LINGO2: variants seen among roughly 807,000 people sequenced by gnomAD.
LINGO2 encodes the protein leucine-rich repeat and immunoglobulin-like domain-containing nogo receptor-interacting protein 2.
Under a neutral mutation model 30.6 loss-of-function variants are expected in LINGO2, and 14 were observed. The ratio of observed to expected loss-of-function variants is 0.46; its 90% CI spans 0.30 to 0.72. The LOEUF (loss-of-function observed/expected upper bound fraction) is 0.72, where lower values mean the gene tolerates loss of function less well. LINGO2 is among the 30% of genes least tolerant of loss of function. The probability of loss-of-function intolerance (pLI) is 0.07; values close to 1 mark genes in which losing one functional copy is unlikely to be tolerated. For missense variants in LINGO2, 729 were observed against 751.7 expected (o/e 0.97, Z 0.35); for synonymous variants, 317 against 288.5 (o/e 1.10, Z -1.00).
At chr9:29,163,887 C>G in the LINGO2 span, among the ~76,000 whole-genome samples, 1 of 152,108 alleles carries the variant, frequency 6.6e-6, no homozygotes, top group Non-Finnish European at 1.5e-5. Context: ...CTGTTAACTG[C>G]TAATCAAAGG....
At chr9:28,558,698 C>T (rs963399746) in intron 1 of LINGO2, among the ~76,000 whole-genome samples, 2 of 151,906 alleles carry the variant, frequency 1.3e-5, no homozygotes, top group Non-Finnish European at 1.5e-5. Flanking sequence ...CACTGGGGGG[C>T]TTTTTAACTT....
intron 1 of LINGO2, among the ~76,000 whole-genome samples, chr9:28,506,461 C>T (rs1820128655): frequency 4.8e-5 from 4 of 83,832 alleles, no homozygotes; most frequent in Non-Finnish European, 7.7e-5. Context: ...CACACATACA[C>T]ATACACACAC....
the LINGO2 span, among the ~76,000 whole-genome samples, chr9:28,941,929 C>T: frequency 3.9e-4 from 59 of 152,056 alleles, no homozygotes; most frequent in Admixed American, 2.5e-3. Context: ...AAGTTTAACA[C>T]CTGAAAGAAA....
chr9:28,636,409 A>G (rs896983318), intron 1 of LINGO2, among the ~76,000 whole-genome samples: 1 of 152,174 alleles, frequency 6.6e-6, no homozygotes, highest in African/African-American at 2.4e-5. Context: ...ACTGACTTCC[A>G]CAATGGTTGA....
intron 3 of LINGO2, among the ~76,000 whole-genome samples, chr9:28,369,402 T>C (rs1820812376): frequency 6.6e-6 from 1 of 152,190 alleles, no homozygotes; most frequent in Non-Finnish European, 1.5e-5. Flanking sequence ...GCTCACACCA[T>C]GTTTAATTAA....
At position 28,443,034 on chromosome 9, in the gene LINGO2, A is replaced by G. The variant is rs142240599; in HGVS notation, c.-279+32906T>C. ...GAGGTTGTAACACACATAGACTGAT[A>G]AGCTTTAAAATAAGGAGTACTTCAG... On this transcript the variant is annotated intron_variant, in intron 2 of 5. Coordinates refer to ENST00000379992, the Ensembl canonical transcript of LINGO2. Among the ~76,000 whole-genome samples the G allele has an allele frequency of 9.9e-4, 151 of 152,290 alleles. 1 individual carries two copies. In the East Asian group the frequency reaches 0.013, roughly 13 times the overall value.
At chr9:28,250,184 AG>A (rs2134006628) in intron 4 of LINGO2, among the ~76,000 whole-genome samples, 1 of 152,306 alleles carries the variant, frequency 6.6e-6, no homozygotes, top group Admixed American at 6.5e-5. Flanking sequence ...CATCCTTCTG[AG>A]CTCCTGCAAC....
At chr9:28,134,014 C>A (rs1384635170) in intron 4 of LINGO2, among the ~76,000 whole-genome samples, 1 of 152,128 alleles carries the variant, frequency 6.6e-6, no homozygotes, top group Non-Finnish European at 1.5e-5. Flanking sequence ...CAAATCTAAA[C>A]ATATAGTATC....
intron 4 of LINGO2, among the ~76,000 whole-genome samples, chr9:28,179,646 G>A (rs10968365): frequency 0.42 from 52,519 of 124,602 alleles, 11,437 homozygotes; most frequent in Admixed American, 0.52. Context: ...TATATATACT[G>A]TAGTGTATAT....
intron 1 of LINGO2, among the ~76,000 whole-genome samples, chr9:28,578,065 G>C (rs1824078534): frequency 6.6e-6 from 1 of 152,168 alleles, no homozygotes; most frequent in African/African-American, 2.4e-5. Flanking sequence ...TTGGGGCAGA[G>C]TACATTCAGA....
the LINGO2 span, among the ~76,000 whole-genome samples, chr9:28,906,450 A>C: frequency 3.2e-3 from 491 of 151,940 alleles, 14 homozygotes; most frequent in Admixed American, 0.03. Flanking sequence ...TAATTTTAAA[A>C]GGAAAATAGA....
intron 3 of LINGO2, among the ~76,000 whole-genome samples, chr9:28,371,256 A>G (rs1189678278): frequency 6.6e-6 from 1 of 152,208 alleles, no homozygotes; most frequent in Non-Finnish European, 1.5e-5. Flanking sequence ...GACGTTTTAA[A>G]CTTTTATAAC....
At chr9:29,121,784 G>A in the LINGO2 span, among the ~76,000 whole-genome samples, 1 of 151,968 alleles carries the variant, frequency 6.6e-6, no homozygotes, top group Non-Finnish European at 1.5e-5. Flanking sequence ...CTATTAAAAG[G>A]TCATATGACA....
At chr9:27,976,874 A>G (rs1820620755) in intron 5 of LINGO2, among the ~76,000 whole-genome samples, 1 of 152,144 alleles carries the variant, frequency 6.6e-6, no homozygotes. Context: ...GTGTGATAAT[A>G]CACAATGAAC....
At chr9:28,959,606 TCTCC>T in the LINGO2 span, among the ~76,000 whole-genome samples, 842 of 137,960 alleles carry the variant, frequency 6.1e-3, 15 homozygotes, top group African/African-American at 0.022. Context: ...TCTCTCTCTC[TCTCC>T]CTCACACACA....
chr9:28,507,164 T>C (rs188826449), intron 1 of LINGO2, among the ~76,000 whole-genome samples: 1 of 151,954 alleles, frequency 6.6e-6, no homozygotes, highest in Admixed American at 6.6e-5. Flanking sequence ...CTTTTTATCC[T>C]GGATAGCTCA....
At chr9:28,994,173 C>G in the LINGO2 span, among the ~76,000 whole-genome samples, 1,225 of 152,254 alleles carry the variant, frequency 8.0e-3, 22 homozygotes, top group African/African-American at 0.028. Context: ...AGCAAAGTCT[C>G]AGGATACAAC....
At chr9:28,054,340 A>AT (rs1340610186) in intron 4 of LINGO2, among the ~76,000 whole-genome samples, 1 of 152,082 alleles carries the variant, frequency 6.6e-6, no homozygotes, top group East Asian at 1.9e-4. Context: ...TGGTTTGGCT[A>AT]TTTTTAACAC....
At chr9:28,877,132 T>C in the LINGO2 span, among the ~76,000 whole-genome samples, 1 of 151,552 alleles carries the variant, frequency 6.6e-6, no homozygotes, top group Non-Finnish European at 1.5e-5. Flanking sequence ...TTTGAGTTCA[T>C]TTTAGATTCT....
Sources: gnomAD v4.1 joint callset for allele counts (sites outside exome capture counted in the v4.1 genomes callset) on GRCh38, gnomAD v4.1.1 for gene constraint, MANE v1.5 for transcripts, NCBI Gene and HGNC (gene_info 2026-07-23, HGNC 2026-07-21) for gene names.